The following ZNF831 variants were observed in gnomAD, a reference collection of about 807,000 sequenced individuals.
The protein encoded by ZNF831 is chromosome 20 open reading frame 174.
In ZNF831, 59 loss-of-function variants were observed where a neutral mutation model predicts 95.8. The ratio of observed to expected loss-of-function variants is 0.62; its 90% confidence interval spans 0.50 to 0.77. The LOEUF is 0.77. Among genes scored for constraint, ZNF831 ranks in the 30% least tolerant of loss-of-function variants. The pLI, the probability that ZNF831 is intolerant of heterozygous loss-of-function variation, is 0.00. For missense variants in ZNF831, 2,205 were observed against 2,164.0 expected (o/e 1.02, Z -0.38); for synonymous variants, 961 against 925.5 (o/e 1.04, Z -0.70).
upstream of ZNF831, among the ~76,000 whole-genome samples, chr20:59,162,289 T>A (rs992677777): frequency 6.6e-6 from 1 of 152,252 alleles, no homozygotes; most frequent in African/African-American, 2.4e-5. Flanking sequence ...TTATTTTTGT[T>A]GCATTTGCTT....
intron 4 of ZNF831, among the ~76,000 whole-genome samples, chr20:59,250,248 T>G (rs1401214925): frequency 6.6e-6 from 1 of 152,172 alleles, no homozygotes; most frequent in African/African-American, 2.4e-5. Context: ...AAATGGGGTT[T>G]GAGCAAATGT....
At chr20:59,245,132 C>T (rs961662036) in intron 4 of ZNF831, among the ~76,000 whole-genome samples, 6 of 152,152 alleles carry the variant, frequency 3.9e-5, no homozygotes, top group Admixed American at 3.9e-4. Flanking sequence ...TCAGAGTGGG[C>T]GGCGCATGTG....
At position 59,193,226 on chromosome 20, in the gene ZNF831, G is replaced by A. The variant is rs918919056; in HGVS notation, c.2207G>A (p.Gly736Asp). 6.3e-7 allele frequency: 1 copy of A among 1,595,092 alleles called. No individual in the cohort carries two copies. The highest frequency in any genetic ancestry group is 8.5e-7 in the Non-Finnish European group (1 of 1,170,780). The part of the protein sequence containing the change: ...EEAVSSPALG[G>D]RDSPCSGSRS... ...GCTGTGTCATCCCCTGCACTGGGTG[G>A]CAGAGACAGTCCCTGTTCAGGCAGT... Residue 736 changes from glycine (G) to aspartate (D), a missense_variant, in exon 2 of 6, where the codon GGC (glycine) becomes GAC (aspartate). Coordinates refer to ENST00000371030, the MANE Select transcript of ZNF831 (RefSeq NM_178457.3).
chr20:59,242,114 C>T (rs945678752), intron 4 of ZNF831, among the ~76,000 whole-genome samples: 1 of 152,178 alleles, frequency 6.6e-6, no homozygotes, highest in Admixed American at 6.5e-5. Context: ...AAATTGATGA[C>T]GCCAACTCTA....
At chr20:59,170,896 A>G (rs1320361409) in intron 1 of ZNF831, among the ~76,000 whole-genome samples, 1 of 152,178 alleles carries the variant, frequency 6.6e-6, no homozygotes, top group African/African-American at 2.4e-5. Context: ...TACAGGTGGG[A>G]GGTGGCAGGC....
chr20:59,152,333 G>T, intron 2 of ZNF831, among the ~76,000 whole-genome samples: 1 of 152,130 alleles, frequency 6.6e-6, no homozygotes, highest in East Asian at 1.9e-4. Context: ...CACTTACAGG[G>T]GGTTGGGGGT....
At chr20:59,210,380 G>A (rs761403219) in intron 4 of ZNF831, among the ~76,000 whole-genome samples, 3 of 152,110 alleles carry the variant, frequency 2.0e-5, no homozygotes, top group Non-Finnish European at 4.4e-5. Flanking sequence ...GGGGCTCCGC[G>A]GAGCCGCCAT....
intron 1 of ZNF831, among the ~76,000 whole-genome samples, chr20:59,143,479 A>G (rs1315245155): frequency 6.6e-6 from 1 of 152,158 alleles, no homozygotes; most frequent in Non-Finnish European, 1.5e-5. Context: ...TCTTCACACA[A>G]GCCTCTCTCC....
intron 1 of ZNF831, among the ~76,000 whole-genome samples, chr20:59,164,858 T>C (rs1486107000): frequency 6.6e-6 from 1 of 152,180 alleles, no homozygotes; most frequent in Non-Finnish European, 1.5e-5. Context: ...TCCTTTCCCG[T>C]AGCAAATCTT....
Position 59,194,617 on chromosome 20 carries a change from G to T in ZNF831, c.3598G>T (p.Ala1200Ser), listed in dbSNP as rs760941386. 5 of 1,613,318 alleles carry T rather than the reference G, an allele frequency of 3.1e-6. No individual in the cohort carries two copies. In the Admixed American group the frequency reaches 8.3e-5, roughly 27 times the overall value. ...TGTCCCTCTGCCCGCGGAGCAGAAGGCAAAGGCGGCATCTGTGTACTTGGC... is the reference window on the plus strand; with the variant it reads ...TGTCCCTCTGCCCGCGGAGCAGAAGTCAAAGGCGGCATCTGTGTACTTGGC... ...RSVPLPAEQK[A>S]KAASVYLAVH... Residue 1200 changes from alanine (A) to serine (S), a missense_variant, in exon 2 of 6, where the codon GCA (alanine) becomes TCA (serine). Physicochemically the swap from Ala to Ser is moderately conservative, Grantham distance 99 (BLOSUM62 1). Transcript: ENST00000371030.
intron 1 of ZNF831, among the ~76,000 whole-genome samples, chr20:59,190,592 C>A (rs939514259): frequency 2.6e-5 from 4 of 152,206 alleles, no homozygotes; most frequent in East Asian, 1.9e-4. Context: ...ACTTCGAGGA[C>A]CTTGAACAAG....
At chr20:59,213,977 G>T (rs1985514061) in intron 4 of ZNF831, among the ~76,000 whole-genome samples, 1 of 152,162 alleles carries the variant, frequency 6.6e-6, no homozygotes, top group South Asian at 2.1e-4. Flanking sequence ...TCCAAAGCTG[G>T]CCCCCAAGGC....
intron 4 of ZNF831, among the ~76,000 whole-genome samples, chr20:59,228,268 G>A (rs1168210979): frequency 6.6e-6 from 1 of 152,154 alleles, no homozygotes; most frequent in Non-Finnish European, 1.5e-5. Flanking sequence ...GTTTGAGCCA[G>A]GCTCAGCTGA....
chr20:59,256,428 T>A lies in ZNF831; in HGVS notation c.*1685T>A, dbSNP rs547908805. 1 of 152,318 alleles carries A rather than the reference T, an allele frequency of 6.6e-6. No individual in the cohort carries two copies. The highest frequency in any genetic ancestry group is 1.9e-4 in the East Asian group (1 of 5,184). The allele number at this position is 152,318 out of a possible 1,614,324, so 9.4% of individuals were successfully genotyped here. Reference sequence around the variant, plus strand: ...TTTAAACCCAACAAAAGCGATGTGGTGATTATCTCCCTTTTCGAAGGATTC... The same window carrying A: ...TTTAAACCCAACAAAAGCGATGTGGAGATTATCTCCCTTTTCGAAGGATTC... On this transcript the variant is annotated 3_prime_UTR_variant, in exon 6 of 6. Transcript: ENST00000371030.
In ZNF831 at chr20:59,192,183, C is replaced by G. The variant is rs766213140; in HGVS notation, c.1164C>G (p.Ala388=). The G allele has an allele frequency of 1.8e-5, 29 of 1,568,720 alleles. No individual in the cohort carries two copies. In the East Asian group the frequency reaches 2.3e-4, roughly 13 times the overall value. ...GPGPGPGVAG[A]EPGAREAGLE... ...GCCCGGGGCCAGGGGTCGCAGGGGC[C>G]GAGCCCGGGGCGCGAGAAGCCGGCC... The change falls in exon 2 of 6, where the codon GCC becomes GCG. Residue 388 remains alanine, a synonymous_variant. Coordinates refer to ENST00000371030, the MANE Select transcript of ZNF831 (RefSeq NM_178457.3). The surrounding 1 kb of genome is among the most constrained non-coding windows in gnomAD (Gnocchi z 5.2).
chr20:59,234,745 G>GA (rs1443110636), intron 4 of ZNF831, among the ~76,000 whole-genome samples: 1 of 152,180 alleles, frequency 6.6e-6, no homozygotes, highest in Admixed American at 6.5e-5. Flanking sequence ...AGCACCTAAG[G>GA]AATTGGGCAG....
At chr20:59,249,195 A>C (rs1049548805) in intron 4 of ZNF831, among the ~76,000 whole-genome samples, 1 of 152,144 alleles carries the variant, frequency 6.6e-6, no homozygotes, top group African/African-American at 2.4e-5. Context: ...CTTTCTGAGA[A>C]GTCTTCCTTG....
At chr20:59,164,285 G>T (rs1351286692) in intron 1 of ZNF831, among the ~76,000 whole-genome samples, 78 bp downstream of exon 1, 6 of 152,164 alleles carry the variant, frequency 3.9e-5, no homozygotes, top group Non-Finnish European at 8.8e-5. Flanking sequence ...TGTTCTTAAT[G>T]ATATATTTAT....
In ZNF831 at chr20:59,192,747, C is replaced by T. The variant is rs770491483; in HGVS notation, c.1728C>T (p.Gly576=). The change falls in exon 2 of 6, where the codon GGC becomes GGT. Residue 576 remains glycine (G), a synonymous_variant. Transcript: ENST00000371030. The surrounding 1 kb of genome is among the most constrained non-coding windows in gnomAD (Gnocchi z 5.2). ...AVEDLPGTPI[G]DALVPAEDTD... ...AGGACCTGCCAGGCACCCCCATTGGCGATGCCCTGGTGCCCGCAGAGGACA... is the reference window on the plus strand; with the variant it reads ...AGGACCTGCCAGGCACCCCCATTGGTGATGCCCTGGTGCCCGCAGAGGACA... 4.3e-6 allele frequency: 7 copies of T among 1,611,184 alleles called. No homozygotes were observed. In the South Asian group the frequency reaches 5.5e-5, roughly 13 times the overall value.
Sources: gnomAD v4.1 joint callset for allele counts (sites outside exome capture counted in the v4.1 genomes callset) on GRCh38, gnomAD v4.1.1 for gene constraint, Gnocchi (gnomAD v3.1) non-coding constraint, MANE v1.5 for transcripts, NCBI Gene and HGNC (gene_info 2026-07-23, HGNC 2026-07-21) for gene names.